The following GM2A variants were observed in gnomAD, a reference collection of about 807,000 sequenced individuals.
GM2A encodes GM2 ganglioside activator.
A neutral mutation model predicts 12.9 loss-of-function variants in GM2A; 7 were observed. The ratio of observed to expected loss-of-function variants is 0.54; its 90% confidence interval spans 0.31 to 1.02. GM2A has a LOEUF of 1.02. GM2A is among the 50% of genes least tolerant of loss of function. GM2A has a pLI of 0.05. For synonymous variants in GM2A, 101 were observed against 96.0 expected (o/e 1.05, Z -0.30); for missense variants, 246 against 241.0 (o/e 1.02, Z -0.14).
At position 151,267,876 on chromosome 5, in the gene GM2A, C is replaced by T. The variant is rs1387488753; in HGVS notation, c.*425C>T. 2.6e-6 allele frequency: 3 copies of T among 1,152,444 alleles called. No homozygotes were observed. In the African/African-American group the frequency reaches 4.8e-5, roughly 19 times the overall value. 71.4% of individuals were successfully genotyped at this position (1,152,444 alleles called of 1,614,324 possible). A position where few individuals can be genotyped will look rare whatever the true frequency, so the allele number is the denominator to read the frequency against. On this transcript the variant is annotated 3_prime_UTR_variant, in exon 4 of 4. Transcript: ENST00000357164. ...AGAGTATTAACGTTTTTGTTCTCCT[C>T]CGGCCCCCTGTTACAATGAAGGGGC...
rs1002884421 is a variant in GM2A, at chr5:151,259,673, G to A, written c.82-82G>A. The A allele has an allele frequency of 5.2e-6, 7 of 1,347,062 alleles. No homozygotes were observed. In the Admixed American group the frequency reaches 7.3e-5, roughly 14 times the overall value. The allele number at this position is 1,347,062 out of a possible 1,614,324, so 83.4% of individuals were successfully genotyped here. A position where few individuals can be genotyped will look rare whatever the true frequency, so the allele number is the denominator to read the frequency against. ...CTCACCCAAGGTCACTCTGCCAGGA[G>A]CTCATTTTTCCTGTGATCTGTGATA... is the stretch of plus-strand genomic sequence containing the variant. On this transcript the variant is annotated intron_variant, in intron 1 of 3. Transcript: ENST00000357164.
chr5:151,258,671 CA>C (rs1433183735), intron 1 of GM2A, among the ~76,000 whole-genome samples: 3 of 152,154 alleles, frequency 2.0e-5, no homozygotes, highest in African/African-American at 7.2e-5. Flanking sequence ...AGTGACAGCA[CA>C]AAACCCCCAT....
chr5:151,256,741 A>T (rs1459877499), intron 1 of GM2A, among the ~76,000 whole-genome samples: 1 of 152,158 alleles, frequency 6.6e-6, no homozygotes, highest in Admixed American at 6.5e-5. Context: ...CATTACTGTT[A>T]ACTGAATTCT....
intron 1 of GM2A, among the ~76,000 whole-genome samples, chr5:151,257,680 G>C (rs1158839704): frequency 5.9e-5 from 9 of 152,142 alleles, no homozygotes; most frequent in Non-Finnish European, 1.3e-4. Flanking sequence ...AAATGACCCT[G>C]CTACCCCTCC....
chr5:151,265,652 A>G (rs1753870103), intron 2 of GM2A, among the ~76,000 whole-genome samples: 1 of 152,238 alleles, frequency 6.6e-6, no homozygotes, highest in African/African-American at 2.4e-5. Context: ...GTGACTGTTC[A>G]GCGCGTGCCC....
chr5:151,261,330 A>C (rs1753794738), intron 2 of GM2A, among the ~76,000 whole-genome samples: 1 of 152,184 alleles, frequency 6.6e-6, no homozygotes, highest in African/African-American at 2.4e-5. Context: ...CAGCCCACCC[A>C]ATCATTTTTA....
rs564494401 is a variant in GM2A, at chr5:151,259,932, G to A, written c.243+16G>A. The A allele has an allele frequency of 1.9e-6, 3 of 1,608,584 alleles. No homozygotes were observed. The highest frequency in any genetic ancestry group is 1.7e-5 in the Admixed American group (1 of 59,890). On this transcript the variant is annotated intron_variant, in intron 2 of 3. Transcript: ENST00000357164. Reference sequence around the variant, plus strand: ...TCCTCTGAAGGTGAGCCTGGGGGTGGGTGGAGAAGGGGAGGTGCGAGGGTC... The same window carrying A: ...TCCTCTGAAGGTGAGCCTGGGGGTGAGTGGAGAAGGGGAGGTGCGAGGGTC...
At position 151,267,918 on chromosome 5, in the gene GM2A, A is replaced by C. The variant is rs1561620920; in HGVS notation, c.*467A>C. The C allele has an allele frequency of 8.8e-7, 1 of 1,138,492 alleles. No individual in the cohort carries two copies. Among genetic ancestry groups the C allele is most frequent in the South Asian group, 2.0e-5 (1 of 49,874 alleles). 70.5% of individuals were successfully genotyped at this position (1,138,492 alleles called of 1,614,324 possible). The stretch of plus-strand genomic sequence containing the variant: ...TGAAGGGGCAAAAGTATTTGCTCTT[A>C]GTCTATTCCTCCCTTAACTTCTGTG... On this transcript the variant is annotated 3_prime_UTR_variant, in exon 4 of 4. Coordinates refer to ENST00000357164, the MANE Select transcript of GM2A (RefSeq NM_000405.5).
intron 1 of GM2A, among the ~76,000 whole-genome samples, chr5:151,259,144 G>C (rs1753746766): frequency 6.6e-6 from 1 of 152,142 alleles, no homozygotes; most frequent in African/African-American, 2.4e-5. Flanking sequence ...TTAGGACTGG[G>C]GAAGTCCACT....
chr5:151,253,366 T>C, intron 1 of GM2A, 69 bp downstream of exon 1: 5 of 1,144,552 alleles, frequency 4.4e-6, no homozygotes, highest in Non-Finnish European at 6.6e-6. Flanking sequence ...CGGGTCTGGC[T>C]GAGATATGGG....
chr5:151,268,389 G>A lies in GM2A; in HGVS notation c.*938G>A, dbSNP rs1130163. On this transcript the variant is annotated 3_prime_UTR_variant, in exon 4 of 4. Transcript: ENST00000357164. ...AGGATGGTCTCGATCTCTTGACCTC[G>A]TGATCTGTCCACCTTGGCCTTGCAA... 36,940 of 782,208 alleles carry A rather than the reference G, an allele frequency of 0.047. 2,085 individuals are homozygous for A. Among genetic ancestry groups the A allele is most frequent in the East Asian group, 0.26 (2,030 of 7,818 alleles). 48.5% of individuals were successfully genotyped at this position (782,208 alleles called of 1,614,324 possible).
chr5:151,268,825 G>C lies in GM2A; in HGVS notation c.*1374G>C, dbSNP rs954037942. The C allele has an allele frequency of 4.1e-6, 4 of 978,684 alleles. No individual in the cohort carries two copies. The highest frequency in any genetic ancestry group is 4.9e-6 in the Non-Finnish European group (4 of 823,878). 60.6% of individuals were successfully genotyped at this position (978,684 alleles called of 1,614,324 possible). ...TGTGTCCCAAACGGACTGGCTCATG[G>C]GTGGCCACGTCACAACCTCTGATCT... On this transcript the variant is annotated 3_prime_UTR_variant, in exon 4 of 4. Coordinates refer to ENST00000357164, the MANE Select transcript of GM2A (RefSeq NM_000405.5).
In GM2A at chr5:151,266,447, C is replaced by CAAAA. The variant is rs59997121; in HGVS notation, c.244-272_244-269dup. On this transcript the variant is annotated intron_variant, in intron 2 of 3. Transcript: ENST00000357164. ...GCAGTGAGTGCAGTGAGCCATGATACAAAAAAAAAAAAAAAGAATTCTAAG... is the reference window on the plus strand; with the variant it reads ...GCAGTGAGTGCAGTGAGCCATGATACAAAAAAAAAAAAAAAAAAAGAATTCTAAG... 2.2e-3 allele frequency among the ~76,000 whole-genome samples: 233 copies of CAAAA among 106,048 alleles called. 16 individuals carry two copies. Among genetic ancestry groups the CAAAA allele is most frequent in the East Asian group, 5.1e-3 (19 of 3,752 alleles). 69.6% of individuals were successfully genotyped at this position (106,048 alleles called of 152,430 possible).
chr5:151,267,093 C>T (rs1380121074), intron 3 of GM2A, 180 bp downstream of exon 3: 1 of 847,742 alleles, frequency 1.2e-6, no homozygotes, highest in Non-Finnish European at 1.9e-6. Flanking sequence ...AAATGGGAGA[C>T]TTGAACTTAG....
In GM2A at chr5:151,268,315, C is replaced by T. The variant is rs191120902; in HGVS notation, c.*864C>T. On this transcript the variant is annotated 3_prime_UTR_variant, in exon 4 of 4. Coordinates refer to ENST00000357164, the MANE Select transcript of GM2A (RefSeq NM_000405.5). The stretch of plus-strand genomic sequence containing the variant: ...GGACTACAGGCCCTGCCACCACGCC[C>T]GGCTAATTTGTGTATTTTTAGTAGA... The T allele has an allele frequency of 1.1e-3, 422 of 400,340 alleles. 2 individuals carry two copies. Among genetic ancestry groups the T allele is most frequent in the Non-Finnish European group, 1.1e-3 (316 of 295,298 alleles). 24.8% of individuals were successfully genotyped at this position (400,340 alleles called of 1,614,324 possible).
intron 1 of GM2A, among the ~76,000 whole-genome samples, chr5:151,256,608 G>GA (rs60009533): frequency 0.34 from 41,207 of 121,532 alleles, 7,135 homozygotes; most frequent in East Asian, 0.63. Flanking sequence ...TCTGTCTCAA[G>GA]AAAAAAAAAA....
intron 2 of GM2A, among the ~76,000 whole-genome samples, chr5:151,264,186 T>TA (rs1753845109): frequency 6.6e-6 from 1 of 152,266 alleles, no homozygotes; most frequent in African/African-American, 2.4e-5. Context: ...CAAAGTCATA[T>TA]ACATGCCTGG....
At chr5:151,263,383 G>A (rs758091010) in intron 2 of GM2A, among the ~76,000 whole-genome samples, 5 of 149,894 alleles carry the variant, frequency 3.3e-5, no homozygotes, top group East Asian at 2.0e-4. Context: ...AATATTTCTC[G>A]TATATATATA....
At position 151,269,592 on chromosome 5, in the gene GM2A, C is replaced by T. The variant is rs153449; in HGVS notation, c.*2141C>T. On this transcript the variant is annotated 3_prime_UTR_variant, in exon 4 of 4. Coordinates refer to ENST00000357164, the MANE Select transcript of GM2A (RefSeq NM_000405.5). ...ACTATCAGGCCATGCAGAGGCAAAA[C>T]GCCTTATTTGGGGAAAATTAAAAGT... 0.32 allele frequency: 87,335 copies of T among 269,118 alleles called. 16,694 individuals are homozygous for T. Among genetic ancestry groups the T allele is most frequent in the East Asian group, 0.66 (3,708 of 5,620 alleles). 16.7% of individuals were successfully genotyped at this position (269,118 alleles called of 1,614,324 possible). A position where few individuals can be genotyped will look rare whatever the true frequency, so the allele number is the denominator to read the frequency against.
Sources: gnomAD v4.1 joint callset for allele counts (sites outside exome capture counted in the v4.1 genomes callset) on GRCh38, gnomAD v4.1.1 for gene constraint, MANE v1.5 for transcripts, NCBI Gene and HGNC (gene_info 2026-07-23, HGNC 2026-07-21) for gene names.